COL12A1: variants seen among roughly 807,000 people sequenced by gnomAD.
COL12A1 encodes the protein collagen type XII alpha 1 chain.
Under a neutral mutation model 349.7 loss-of-function variants are expected in COL12A1, and 114 were observed. The ratio of observed to expected loss-of-function variants is 0.33; its 90% CI spans 0.28 to 0.38. COL12A1 has a LOEUF of 0.38. COL12A1 is among the 10% of genes least tolerant of loss of function. The probability of loss-of-function intolerance (pLI) is 1.00; values close to 1 mark genes in which losing one functional copy is unlikely to be tolerated. For missense variants in COL12A1, 3,284 were observed against 3,756.9 expected (o/e 0.87, Z 3.29); for synonymous variants, 1,369 against 1,329.0 (o/e 1.03, Z -0.66).
At chr6:75,203,506 C>T (rs1582234885) in intron 1 of COL12A1, among the ~76,000 whole-genome samples, 1 of 152,098 alleles carries the variant, frequency 6.6e-6, no homozygotes, top group Non-Finnish European at 1.5e-5. Context: ...AGCAAGACAC[C>T]CTTGTCTGTT....
chr6:75,126,363 A>G lies in COL12A1; in HGVS notation c.6448T>C (p.Tyr2150His), dbSNP rs200450866. 469 of 1,609,984 alleles carry G rather than the reference A, an allele frequency of 2.9e-4. No individual in the cohort carries two copies. In the Middle Eastern group the frequency reaches 4.0e-3, roughly 14 times the overall value. ...GGCACTTCCTTACCCACTGGCTTAT[A>G]TACTATTTTATATCCAAGAACTGGA... ...PSPVLGYKIV[Y>H]KPVGSNEPME... is the part of the protein sequence containing the mutation. Residue 2150 changes from tyrosine to histidine, a missense_variant, in exon 39 of 66, where the codon TAT (tyrosine) becomes CAT (histidine). This residue lies in a region of COL12A1 where 2,601 missense variants were observed against 2,824.8 expected (regional missense o/e 0.92). Transcript: ENST00000322507.
At chr6:75,154,310 G>C in intron 17 of COL12A1, 106 bp downstream of exon 17, 1 of 1,249,006 alleles carries the variant, frequency 8.0e-7, no homozygotes. Flanking sequence ...ATAAATTTTA[G>C]TGTAAAATTT....
In COL12A1 at chr6:75,124,181, G is replaced by A. The variant is rs140737783; in HGVS notation, c.6724+74C>T. Reference sequence around the variant, plus strand: ...ATATCGCATTGTTATAAACAAAATGGCATCTTCTTTACTGAAATTTAAAAT... The same window carrying A: ...ATATCGCATTGTTATAAACAAAATGACATCTTCTTTACTGAAATTTAAAAT... On this transcript the variant is annotated intron_variant, in intron 41 of 65. Coordinates refer to ENST00000322507, the MANE Select transcript of COL12A1 (RefSeq NM_004370.6). 121 of 1,591,058 alleles carry A rather than the reference G, an allele frequency of 7.6e-5. 1 individual carries two copies. The South Asian group carries it at 1.2e-3, about 16-fold the overall frequency.
At chr6:75,154,326 A>T in intron 17 of COL12A1, 90 bp downstream of exon 17, 9 of 1,355,750 alleles carry the variant, frequency 6.6e-6, no homozygotes, top group Non-Finnish European at 8.8e-6. Context: ...AATTTGTATC[A>T]TTGTTTTCCA....
chr6:75,166,606 T>C (rs1318957786), intron 13 of COL12A1, among the ~76,000 whole-genome samples: 1 of 152,122 alleles, frequency 6.6e-6, no homozygotes, highest in Non-Finnish European at 1.5e-5. Flanking sequence ...AATATACAGG[T>C]CACTTTATAT....
intron 16 of COL12A1, 30 bp from the exon 17 acceptor site, chr6:75,154,567 T>C: frequency 6.4e-7 from 1 of 1,571,576 alleles, no homozygotes; most frequent in Non-Finnish European, 8.6e-7. Flanking sequence ...ATATAGCCTG[T>C]GAGAACCATA....
chr6:75,109,504 A>G (rs927751492), intron 51 of COL12A1, among the ~76,000 whole-genome samples: 1 of 152,138 alleles, frequency 6.6e-6, no homozygotes, highest in Admixed American at 6.5e-5. Flanking sequence ...ACCCAAGTAG[A>G]GGTTAATAAA....
At chr6:75,148,330 GAAGT>G in intron 22 of COL12A1, 24 bp downstream of exon 22, 2 of 1,598,688 alleles carry the variant, frequency 1.3e-6, no homozygotes, top group Non-Finnish European at 1.7e-6. Flanking sequence ...ACATCAGGAA[GAAGT>G]AAGTTATAGG....
chr6:75,129,690 T>TGTA (rs1223474563), intron 37 of COL12A1, among the ~76,000 whole-genome samples: 1 of 152,160 alleles, frequency 6.6e-6, no homozygotes, highest in Non-Finnish European at 1.5e-5. Flanking sequence ...AGGGAGACCT[T>TGTA]GTAGAGGAAT....
chr6:75,182,941 T>C (rs1052272506), intron 10 of COL12A1, 109 bp downstream of exon 10: 4 of 1,334,682 alleles, frequency 3.0e-6, no homozygotes, highest in Non-Finnish European at 4.0e-6. Flanking sequence ...ATAGGAAAGT[T>C]ACTTTTTCGT....
At position 75,156,403 on chromosome 6, in the gene COL12A1, C is replaced by G. The variant is rs766290578; in HGVS notation, c.3104G>C (p.Arg1035Thr). ...NYRVVYRPHGRGKQMVAKVPP... is the reference protein window; with the variant it reads ...NYRVVYRPHGTGKQMVAKVPP... ...CACCTTAGCAACCATTTGCTTCCCT[C>G]TCCCATGAGGGCGATAGACAACACG... Residue 1035 changes from arginine (R) to threonine (T), a missense_variant, in exon 15 of 66, where the codon AGA becomes ACA. Coordinates refer to ENST00000322507, the MANE Select transcript of COL12A1 (RefSeq NM_004370.6). The G allele has an allele frequency of 3.7e-6, 6 of 1,614,004 alleles. No individual in the cohort carries two copies. Among genetic ancestry groups the G allele is most frequent in the Non-Finnish European group, 5.1e-6 (6 of 1,179,924 alleles).
chr6:75,151,373 T>A, intron 20 of COL12A1, 86 bp from the exon 21 acceptor site: 1 of 1,309,390 alleles, frequency 7.6e-7, no homozygotes, highest in Non-Finnish European at 1.1e-6. Context: ...CTTTCTTAAT[T>A]CATGGCTGCT....
At chr6:75,194,758 A>G (rs557920127) in intron 3 of COL12A1, 73 bp downstream of exon 3, 11 of 905,242 alleles carry the variant, frequency 1.2e-5, no homozygotes, top group Admixed American at 1.2e-4. Context: ...TCATGATGAA[A>G]GGGGAGAAGA....
intron 14 of COL12A1, among the ~76,000 whole-genome samples, chr6:75,162,776 A>G (rs1034790330): frequency 6.6e-6 from 1 of 152,250 alleles, no homozygotes; most frequent in Non-Finnish European, 1.5e-5. Context: ...ACAAAGGGCT[A>G]ATATCCAGAA....
intron 51 of COL12A1, among the ~76,000 whole-genome samples, chr6:75,111,536 T>C (rs1291340211): frequency 2.0e-5 from 3 of 151,918 alleles, no homozygotes; most frequent in Non-Finnish European, 4.4e-5. Flanking sequence ...AGTGGTTTAG[T>C]GGATGATCAG....
rs1339508241 is a variant in COL12A1, at chr6:75,090,384, A to C, written c.8753-86T>G. 7.7e-7 allele frequency: 1 copy of C among 1,299,106 alleles called. No individual in the cohort carries two copies. The highest frequency in any genetic ancestry group is 1.1e-6 in the Non-Finnish European group (1 of 940,840). The allele number at this position is 1,299,106 out of a possible 1,614,324, so 80.5% of individuals were successfully genotyped here. ...AACTGTTTTCTCTTAGTGTCTAGTG[A>C]AATCCATCTCCATTCTGCAACCCCT... On this transcript the variant is annotated intron_variant, in intron 62 of 65. Coordinates refer to ENST00000322507, the MANE Select transcript of COL12A1 (RefSeq NM_004370.6). The surrounding 1 kb of genome is among the most constrained non-coding windows in gnomAD (Gnocchi z 4.1).
Position 75,202,834 on chromosome 6 carries a change from G to A in COL12A1, c.-35-7C>T. ...TACAGCGGCATGAAGAGATCTGCGG[G>A]AGGAAGTAGTGACTGCATCAGAACT... On this transcript the variant is annotated splice_polypyrimidine_tract_variant and splice_region_variant and intron_variant, in intron 1 of 65. Coordinates refer to ENST00000322507, the MANE Select transcript of COL12A1 (RefSeq NM_004370.6). 2 of 1,536,826 alleles carry A rather than the reference G, an allele frequency of 1.3e-6. No homozygotes were observed. Among genetic ancestry groups the A allele is most frequent in the Non-Finnish European group, 1.8e-6 (2 of 1,133,584 alleles).
At position 75,138,554 on chromosome 6, in the gene COL12A1, A is replaced by C. The variant is rs1028863740; in HGVS notation, c.5124T>G (p.Thr1708=). 1 of 1,613,970 alleles carries C rather than the reference A, an allele frequency of 6.2e-7. No homozygotes were observed. The highest frequency in any genetic ancestry group is 8.5e-7 in the Non-Finnish European group (1 of 1,179,924). ...TGGGGTTCAGGTTTTCGAACACCAA[A>C]GTGTTTTCATCTCCATTTAAGATGG... ...METILNGDEN[T]LVFENLNPNT... Residue 1708 remains threonine (T), a synonymous_variant, in exon 29 of 66, where the codon ACT becomes ACG. Transcript: ENST00000322507.
intron 10 of COL12A1, among the ~76,000 whole-genome samples, chr6:75,182,188 G>A (rs1251635494): frequency 6.6e-6 from 1 of 152,074 alleles, no homozygotes; most frequent in Non-Finnish European, 1.5e-5. Context: ...TACAGTTTAG[G>A]AAGGCTTAAT....
Sources: allele counts gnomAD v4.1 joint callset (sites outside exome capture counted in the v4.1 genomes callset), GRCh38; gene constraint gnomAD v4.1.1; regional missense constraint gnomAD v4.1.1; non-coding constraint Gnocchi (gnomAD v3.1); transcripts MANE v1.5; gene names NCBI Gene and HGNC (gene_info 2026-07-23, HGNC 2026-07-21).